Variants in RCAN2 observed in about 807,000 individuals in gnomAD.
RCAN2 encodes the protein calcipressin-2.
A neutral mutation model predicts 23.6 loss-of-function variants in RCAN2; 9 were observed. The ratio of observed to expected loss-of-function variants is 0.38; its 90% CI spans 0.23 to 0.67. The LOEUF (loss-of-function observed/expected upper bound fraction) is 0.67, where lower values mean the gene tolerates loss of function less well. RCAN2 is among the 30% of genes least tolerant of loss of function. The pLI, the probability that RCAN2 is intolerant of heterozygous loss-of-function variation, is 0.51. For synonymous variants in RCAN2, 109 were observed against 115.7 expected, an observed-to-expected ratio of 0.94 and a Z score of 0.37; for missense variants, 273 against 302.3, an observed-to-expected ratio of 0.90 and a Z score of 0.72.
intron 1 of RCAN2, among the ~76,000 whole-genome samples, chr6:46,458,546 A>G (rs1768113123): frequency 6.6e-6 from 1 of 152,064 alleles, no homozygotes; most frequent in African/African-American, 2.4e-5. Context: ...AGTTCTTCAA[A>G]CTCCAATTAG....
chr6:46,472,971 G>T (rs1768611110), intron 1 of RCAN2, among the ~76,000 whole-genome samples: 1 of 152,110 alleles, frequency 6.6e-6, no homozygotes, highest in South Asian at 2.1e-4. Context: ...TCCCTTCATG[G>T]GACTAACTCA....
At chr6:46,482,298 G>A (rs1159496869) in intron 1 of RCAN2, among the ~76,000 whole-genome samples, 3 of 152,062 alleles carry the variant, frequency 2.0e-5, no homozygotes, top group Non-Finnish European at 2.9e-5. Flanking sequence ...TCTGCCATCT[G>A]AATACCAGTC....
At position 46,336,736 on chromosome 6, in the gene RCAN2, A is replaced by G. The variant is rs187625844; in HGVS notation, c.226-87840T>C. ...TGAAAAGAGTGGTGCAAGAGGTTAA[A>G]TTGAAGTGGGGAAGGATTGTAAATG... On this transcript the variant is annotated intron_variant, in intron 2 of 4. Transcript: ENST00000371374. 3.2e-4 allele frequency among the ~76,000 whole-genome samples: 49 copies of G among 152,336 alleles called. 1 individual carries two copies. In the East Asian group the frequency reaches 8.5e-3, roughly 26 times the overall value.
At chr6:46,268,493 T>C (rs1767415167) in intron 2 of RCAN2, among the ~76,000 whole-genome samples, 1 of 152,242 alleles carries the variant, frequency 6.6e-6, no homozygotes, top group South Asian at 2.1e-4. Context: ...AGCTGTTTCA[T>C]GTATCTCATA....
chr6:46,261,955 G>A (rs979039743), intron 2 of RCAN2, among the ~76,000 whole-genome samples: 4 of 152,186 alleles, frequency 2.6e-5, no homozygotes, highest in African/African-American at 7.2e-5. Context: ...AAAGGATAAA[G>A]ATGCCAGTGA....
At chr6:46,418,695 G>GTGTATA (rs1299386089) in intron 2 of RCAN2, among the ~76,000 whole-genome samples, 6 of 121,306 alleles carry the variant, frequency 4.9e-5, no homozygotes, top group South Asian at 2.9e-4. Context: ...ATGTGTGTGT[G>GTGTATA]TATATATATA....
At chr6:46,252,038 C>A (rs1766745138) in intron 2 of RCAN2, among the ~76,000 whole-genome samples, 1 of 151,900 alleles carries the variant, frequency 6.6e-6, no homozygotes, top group Non-Finnish European at 1.5e-5. Context: ...CTTTTCAGGC[C>A]TTTTGGGACC....
chr6:46,360,237 G>A (rs1043980199), intron 2 of RCAN2, among the ~76,000 whole-genome samples: 7 of 152,100 alleles, frequency 4.6e-5, no homozygotes, highest in South Asian at 4.1e-4. Flanking sequence ...TGGGTTTAAA[G>A]AGAGCTTGAT....
intron 2 of RCAN2, among the ~76,000 whole-genome samples, chr6:46,386,610 C>CAAAAA (rs142110760): frequency 1.7e-4 from 16 of 91,452 alleles, no homozygotes; most frequent in Admixed American, 6.6e-4. Context: ...CTCTGTCTCA[C>CAAAAA]AAAAAAAAAA....
chr6:46,326,458 TC>T (rs1403817569), intron 2 of RCAN2, among the ~76,000 whole-genome samples: 1 of 152,200 alleles, frequency 6.6e-6, no homozygotes, highest in Non-Finnish European at 1.5e-5. Context: ...CAGGCTTTTT[TC>T]CTGATTATAA....
chr6:46,426,885 AC>A (rs1767047045), intron 2 of RCAN2, among the ~76,000 whole-genome samples: 1 of 152,212 alleles, frequency 6.6e-6, no homozygotes, highest in South Asian at 2.1e-4. Context: ...ACTCTGGCAG[AC>A]TTTTAGCAAG....
chr6:46,341,143 G>T (rs1474217882), intron 2 of RCAN2, among the ~76,000 whole-genome samples: 1 of 152,226 alleles, frequency 6.6e-6, no homozygotes, highest in South Asian at 2.1e-4. Context: ...AGAAATAATT[G>T]GAAATACATT....
chr6:46,474,884 G>C (rs1428261789), intron 1 of RCAN2, among the ~76,000 whole-genome samples: 1 of 152,124 alleles, frequency 6.6e-6, no homozygotes, highest in Non-Finnish European at 1.5e-5. Flanking sequence ...ATGCCCTACT[G>C]TACTCCAAGG....
At chr6:46,282,895 C>T (rs1011232761) in intron 2 of RCAN2, among the ~76,000 whole-genome samples, 10 of 152,308 alleles carry the variant, frequency 6.6e-5, no homozygotes, top group East Asian at 5.8e-4. Flanking sequence ...AAACGTACAA[C>T]ATAAAACCTC....
chr6:46,372,190 A>T (rs550706285), intron 2 of RCAN2, among the ~76,000 whole-genome samples: 4 of 152,214 alleles, frequency 2.6e-5, no homozygotes, highest in Non-Finnish European at 5.9e-5. Flanking sequence ...AAGGCTGATG[A>T]CTAGTACATG....
chr6:46,338,257 A>G (rs1189886918), intron 2 of RCAN2, among the ~76,000 whole-genome samples: 1 of 152,200 alleles, frequency 6.6e-6, no homozygotes, highest in African/African-American at 2.4e-5. Flanking sequence ...AGCCAAAATG[A>G]TACAGAAACC....
intron 2 of RCAN2, among the ~76,000 whole-genome samples, chr6:46,432,751 G>A (rs1407203405): frequency 1.3e-5 from 2 of 152,090 alleles, no homozygotes; most frequent in Non-Finnish European, 2.9e-5. Context: ...CAACTTAGCT[G>A]AGGGAGGCAG....
At chr6:46,295,378 G>A (rs887926234) in intron 2 of RCAN2, among the ~76,000 whole-genome samples, 6 of 152,138 alleles carry the variant, frequency 3.9e-5, no homozygotes, top group Non-Finnish European at 5.9e-5. Context: ...GACAGAACCT[G>A]GGAGACTGGC....
At chr6:46,408,410 T>C (rs1292600200) in intron 2 of RCAN2, among the ~76,000 whole-genome samples, 1 of 152,226 alleles carries the variant, frequency 6.6e-6, no homozygotes, top group Non-Finnish European at 1.5e-5. Context: ...ACTAACTAGC[T>C]GAGCACTTTA....
Sources: gnomAD v4.1 joint callset for allele counts (sites outside exome capture counted in the v4.1 genomes callset) on GRCh38, gnomAD v4.1.1 for gene constraint, MANE v1.5 for transcripts, NCBI Gene and HGNC (gene_info 2026-07-23, HGNC 2026-07-21) for gene names.